SLC33A1: variants seen among roughly 807,000 people sequenced by gnomAD.
SLC33A1 encodes acetyl-coenzyme A transporter 1.
In SLC33A1, 20 loss-of-function variants were observed where a neutral mutation model predicts 50.0. The ratio of observed to expected loss-of-function variants is 0.40; its 90% CI spans 0.28 to 0.58. The LOEUF (loss-of-function observed/expected upper bound fraction) is 0.58. Among genes scored for constraint, SLC33A1 ranks in the 20% least tolerant of loss-of-function variants. The probability of loss-of-function intolerance (pLI) is 0.44; values close to 1 mark genes in which losing one functional copy is unlikely to be tolerated. For missense variants in SLC33A1, 476 were observed against 657.0 expected (o/e 0.72, Z 3.01); for synonymous variants, 265 against 251.8 (o/e 1.05, Z -0.50).
rs1257219807 is a variant in SLC33A1 at position 155,826,505 on chromosome 3, AAC to A, written c.*1703_*1704del. On this transcript the variant is annotated 3_prime_UTR_variant, in exon 6 of 6. Coordinates refer to ENST00000643144, the MANE Select transcript of SLC33A1 (RefSeq NM_004733.4). ...TCTTAATCCAAAAATTAAAAATCAA[AAC>A]ACATTTCATATGTAAGAGTTAAGTG... 1.3e-5 allele frequency: 2 copies of A among 152,156 alleles called. No individual in the cohort carries two copies. Among genetic ancestry groups the A allele is most frequent in the Non-Finnish European group, 2.9e-5 (2 of 68,024 alleles). The allele number at this position is 152,156 out of a possible 1,614,324, so 9.4% of individuals were successfully genotyped here. A position where few individuals can be genotyped will look rare whatever the true frequency, so the allele number is the denominator to read the frequency against.
intron 1 of SLC33A1, among the ~76,000 whole-genome samples, chr3:155,846,289 G>A (rs1444019184): frequency 2.0e-5 from 3 of 152,196 alleles, no homozygotes; most frequent in African/African-American, 7.2e-5. Flanking sequence ...TCAAACTGCG[G>A]TCTAGTTCTA....
At chr3:155,832,529 T>G (rs1179039224) in intron 4 of SLC33A1, among the ~76,000 whole-genome samples, 12 of 151,102 alleles carry the variant, frequency 7.9e-5, no homozygotes, top group Admixed American at 7.9e-4. Context: ...AAACTTTCAA[T>G]ATAGAAGCTA....
chr3:155,853,548 T>C lies in SLC33A1; in HGVS notation c.450A>G (p.Ile150Met), dbSNP rs1320832185. 1.9e-6 allele frequency: 3 copies of C among 1,613,986 alleles called. No homozygotes were observed. Among genetic ancestry groups the C allele is most frequent in the African/African-American group, 1.3e-5 (1 of 74,900 alleles). Reference protein sequence around the residue: ...RKSWLVPTQYILGLFMIYLST... With the variant: ...RKSWLVPTQYMLGLFMIYLST... The stretch of plus-strand genomic sequence containing the variant: ...ATAAATAGATCATGAAGAGTCCTAG[T>C]ATATACTGTGTCGGGACAAGCCAAG... Residue 150 changes from isoleucine (I) to methionine (M), a missense_variant, in exon 1 of 6, where the codon ATA (isoleucine) becomes ATG (methionine). Physicochemically the swap from Ile to Met is conservative, Grantham distance 10. Transcript: ENST00000643144.
At position 155,826,680 on chromosome 3, in the gene SLC33A1, C is replaced by G. The variant is rs1357357797; in HGVS notation, c.*1530G>C. 4 of 152,052 alleles carry G rather than the reference C, an allele frequency of 2.6e-5. No homozygotes were observed. Among genetic ancestry groups the G allele is most frequent in the African/African-American group, 9.7e-5 (4 of 41,410 alleles). The allele number at this position is 152,052 out of a possible 1,614,324, so 9.4% of individuals were successfully genotyped here. On this transcript the variant is annotated 3_prime_UTR_variant, in exon 6 of 6. Transcript: ENST00000643144. ...CAGGTGATTCTTCAGGATCTGACAT[C>G]GATGCCCAACACAGGCTTTCCAATG...
chr3:155,851,133 C>T, intron 1 of SLC33A1, among the ~76,000 whole-genome samples: 1 of 151,796 alleles, frequency 6.6e-6, no homozygotes, highest in East Asian at 2.0e-4. Flanking sequence ...TCCCACTACT[C>T]AGGAGGCTGA....
chr3:155,850,773 C>T (rs1753366341), intron 1 of SLC33A1, among the ~76,000 whole-genome samples: 1 of 151,636 alleles, frequency 6.6e-6, no homozygotes, highest in Admixed American at 6.6e-5. Flanking sequence ...AATGCCACCA[C>T]TTCCACCTAA....
chr3:155,833,630 T>TAAC (rs764594877), intron 3 of SLC33A1, 45 bp from the exon 4 acceptor site: 31 of 1,182,200 alleles, frequency 2.6e-5, no homozygotes, highest in Non-Finnish European at 3.8e-5. Flanking sequence ...TTAGCTTAAA[T>TAAC]AACAACAACA....
chr3:155,849,599 A>G (rs58027313), intron 1 of SLC33A1, among the ~76,000 whole-genome samples: 67 of 147,508 alleles, frequency 4.5e-4, no homozygotes, highest in African/African-American at 1.4e-3. Context: ...AAAAAAAAAA[A>G]AGGGGCAATT....
Position 155,850,799 on chromosome 3 carries a change from T to C in SLC33A1, c.775+2424A>G, listed in dbSNP as rs145223415. Among the ~76,000 whole-genome samples, 11 of 151,764 alleles carry C rather than the reference T, an allele frequency of 7.2e-5. No individual in the cohort carries two copies. The East Asian group carries it at 2.2e-3, about 30-fold the overall frequency. Reference sequence around the variant, plus strand: ...TTCCACCTAATTTTTGTATTTTTAATAGAGAAGGGGTTTTGCCATGTTGGC... The same window carrying C: ...TTCCACCTAATTTTTGTATTTTTAACAGAGAAGGGGTTTTGCCATGTTGGC... On this transcript the variant is annotated intron_variant, in intron 1 of 5. Coordinates refer to ENST00000643144, the MANE Select transcript of SLC33A1 (RefSeq NM_004733.4).
chr3:155,824,246 CCAA>C lies in SLC33A1; in HGVS notation c.*3961_*3963del, dbSNP rs2109297695. 1 of 152,230 alleles carries C rather than the reference CCAA, an allele frequency of 6.6e-6. No homozygotes were observed. The highest frequency in any genetic ancestry group is 1.9e-4 in the East Asian group (1 of 5,192). 9.4% of individuals were successfully genotyped at this position (152,230 alleles called of 1,614,324 possible). On this transcript the variant is annotated 3_prime_UTR_variant, in exon 6 of 6. Transcript: ENST00000643144. The stretch of plus-strand genomic sequence containing the variant: ...TTTTGGAAATCTGCATGGAATGTTC[CCAA>C]CAAGTTATTTCATTTTAGCAGGGTC...
intron 1 of SLC33A1, among the ~76,000 whole-genome samples, chr3:155,848,127 T>C (rs1427898456): frequency 6.6e-6 from 1 of 152,126 alleles, no homozygotes; most frequent in African/African-American, 2.4e-5. Flanking sequence ...AGATGATAGA[T>C]GAGACAGATT....
rs1752671681 is a variant in SLC33A1, at chr3:155,836,314, GGAAAGAAAGAAAAAAA to G, written c.964-2289_964-2274del. Among the ~76,000 whole-genome samples, 259 of 60,306 alleles carry G rather than the reference GGAAAGAAAGAAAAAAA, an allele frequency of 4.3e-3. 2 individuals carry two copies. The highest frequency in any genetic ancestry group is 0.017 in the African/African-American group (253 of 14,514). 39.6% of individuals were successfully genotyped at this position (60,306 alleles called of 152,430 possible). On this transcript the variant is annotated intron_variant, in intron 2 of 5. Transcript: ENST00000643144. Reference sequence around the variant, plus strand: ...AAAAAAAAAAAAAAAAAAAAAAAAAGGAAAGAAAGAAAAAAAGAAAGAAAGAAAAATTATAAATAGT... The same window carrying G: ...AAAAAAAAAAAAAAAAAAAAAAAAAGGAAAGAAAGAAAAATTATAAATAGT...
intron 1 of SLC33A1, among the ~76,000 whole-genome samples, chr3:155,843,284 T>C (rs1257157737): frequency 6.6e-6 from 1 of 152,210 alleles, no homozygotes; most frequent in Non-Finnish European, 1.5e-5. Flanking sequence ...ACATTTCTTA[T>C]ATACCCAAGC....
intron 1 of SLC33A1, among the ~76,000 whole-genome samples, chr3:155,844,560 G>A (rs949972981): frequency 7.1e-6 from 1 of 140,538 alleles, no homozygotes; most frequent in African/African-American, 2.6e-5. Flanking sequence ...CCACCTCTCG[G>A]GTTCAAGTGA....
At chr3:155,830,100 A>T (rs1259535654) in intron 4 of SLC33A1, among the ~76,000 whole-genome samples, 197 bp from the exon 5 acceptor site, 1 of 152,036 alleles carries the variant, frequency 6.6e-6, no homozygotes, top group Admixed American at 6.6e-5. Context: ...GCGGTGGCTC[A>T]TGCCTGTAAT....
Position 155,829,911 on chromosome 3 carries a change from AAAATGT to A in SLC33A1, c.1267-14_1267-9del. 1 of 1,558,794 alleles carries A rather than the reference AAAATGT, an allele frequency of 6.4e-7. No individual in the cohort carries two copies. Among genetic ancestry groups the A allele is most frequent in the Non-Finnish European group, 8.8e-7 (1 of 1,130,184 alleles). Reference sequence around the variant, plus strand: ...CATGCTGTACACTGTAACCTACGGAAAAATGTAAAACATCTTTAGTATGATTATAAA... The same window carrying A: ...CATGCTGTACACTGTAACCTACGGAAAAAACATCTTTAGTATGATTATAAA... On this transcript the variant is annotated splice_polypyrimidine_tract_variant and intron_variant, in intron 4 of 5. Transcript: ENST00000643144.
intron 1 of SLC33A1, among the ~76,000 whole-genome samples, chr3:155,847,259 T>A (rs932444074): frequency 3.9e-5 from 6 of 152,156 alleles, no homozygotes; most frequent in Admixed American, 6.6e-5. Flanking sequence ...TAGGGTAACA[T>A]TTTAAGCCTA....
chr3:155,834,150 G>A, intron 2 of SLC33A1, 109 bp from the exon 3 acceptor site: 1 of 773,240 alleles, frequency 1.3e-6, no homozygotes, highest in Non-Finnish European at 2.2e-6. Context: ...ACCCATGACA[G>A]TTACAAGTGA....
Position 155,833,519 on chromosome 3 carries a change from TC to T in SLC33A1, c.1214del (p.Gly405AspfsTer9). 6.2e-7 allele frequency: 1 copy of T among 1,603,768 alleles called. No homozygotes were observed. Among genetic ancestry groups the T allele is most frequent in the Non-Finnish European group, 8.5e-7 (1 of 1,170,770 alleles). On this transcript the variant is annotated frameshift_variant, in exon 4 of 6. Coordinates refer to ENST00000643144, the MANE Select transcript of SLC33A1 (RefSeq NM_004733.4). LOFTEE classifies it high-confidence loss of function. Reference protein sequence around the residue: ...WWTPKVEHQGGFPIYYYIVVL... With the variant: ...WWTPKVEHQGXFPIYYYIVVL... ...CTACGATATAGTAATATATAGGGAA[TC>T]CCCCTTGATGTTCTACTTTAGGAGT... is the stretch of plus-strand genomic sequence containing the variant.
Sources: allele counts gnomAD v4.1 joint callset (sites outside exome capture counted in the v4.1 genomes callset), GRCh38; gene constraint gnomAD v4.1.1; transcripts MANE v1.5; gene names NCBI Gene and HGNC (gene_info 2026-07-23, HGNC 2026-07-21).